The following MARCHF11 variants were observed in gnomAD, a reference collection of about 807,000 sequenced individuals.
The protein encoded by MARCHF11 is E3 ubiquitin-protein ligase MARCHF11.
Under a neutral mutation model 37.3 loss-of-function variants are expected in MARCHF11, and 29 were observed. The ratio of observed to expected loss-of-function variants is 0.78; its 90% CI spans 0.58 to 1.06. The LOEUF (loss-of-function observed/expected upper bound fraction) is 1.06, where lower values mean the gene tolerates loss of function less well. MARCHF11 is among the 50% of genes least tolerant of loss of function. MARCHF11 has a pLI of 0.00. For synonymous variants in MARCHF11, 233 were observed against 228.0 expected, an observed-to-expected ratio of 1.02 and a Z score of -0.20; for missense variants, 482 against 533.4, an observed-to-expected ratio of 0.90 and a Z score of 0.95.
chr5:16,171,115 A>AT (rs1478856754), intron 2 of MARCHF11, among the ~76,000 whole-genome samples: 1 of 152,046 alleles, frequency 6.6e-6, no homozygotes, highest in African/African-American at 2.4e-5. Flanking sequence ...TTATTTATTT[A>AT]TTATTATACT....
At chr5:16,071,282 G>A (rs1477896433) in intron 3 of MARCHF11, among the ~76,000 whole-genome samples, 1 of 152,150 alleles carries the variant, frequency 6.6e-6, no homozygotes, top group East Asian at 1.9e-4. Flanking sequence ...TTAACAGCAT[G>A]GATATAAAAA....
At chr5:16,098,375 C>T (rs944759156) in intron 2 of MARCHF11, among the ~76,000 whole-genome samples, 2 of 152,200 alleles carry the variant, frequency 1.3e-5, no homozygotes, top group Admixed American at 1.3e-4. Context: ...TTAAAACTGT[C>T]TCTCTTTTTA....
chr5:16,075,050 G>A (rs1237449222), intron 3 of MARCHF11, among the ~76,000 whole-genome samples: 2 of 152,226 alleles, frequency 1.3e-5, no homozygotes, highest in African/African-American at 4.8e-5. Flanking sequence ...GTCAGATGGA[G>A]TCTCATCTTT....
chr5:16,082,877 C>T (rs566834005), intron 3 of MARCHF11, among the ~76,000 whole-genome samples: 52 of 152,146 alleles, frequency 3.4e-4, no homozygotes, highest in Non-Finnish European at 6.2e-4. Flanking sequence ...TCCTATAACT[C>T]GCCTGCCATG....
rs759376774 is a variant in MARCHF11 at position 16,067,441 on chromosome 5, T to C, written c.*30A>G. 11 of 1,591,260 alleles carry C rather than the reference T, an allele frequency of 6.9e-6. No individual in the cohort carries two copies. The highest frequency in any genetic ancestry group is 1.1e-5 in the South Asian group (1 of 89,188). On this transcript the variant is annotated 3_prime_UTR_variant, in exon 4 of 4. Coordinates refer to ENST00000332432, the MANE Select transcript of MARCHF11 (RefSeq NM_001102562.3). ...CAATTACATTGCAAAATGTGCAGGGTGGTCCACACTGCATCATCTTATGCT... is the reference window on the plus strand; with the variant it reads ...CAATTACATTGCAAAATGTGCAGGGCGGTCCACACTGCATCATCTTATGCT...
intron 3 of MARCHF11, among the ~76,000 whole-genome samples, chr5:16,080,591 T>C (rs1736591443): frequency 6.6e-6 from 1 of 152,176 alleles, no homozygotes; most frequent in Non-Finnish European, 1.5e-5. Flanking sequence ...CCTCTTCTGA[T>C]AGCCAGTGTT....
At chr5:16,129,687 T>G (rs1737480966) in intron 2 of MARCHF11, among the ~76,000 whole-genome samples, 1 of 152,208 alleles carries the variant, frequency 6.6e-6, no homozygotes, top group Non-Finnish European at 1.5e-5. Flanking sequence ...TTTGTAAAAA[T>G]TAACTGTAGG....
intron 1 of MARCHF11, 96 bp from the exon 2 acceptor site, chr5:16,177,977 G>A (rs1373373468): frequency 4.1e-6 from 5 of 1,213,938 alleles, no homozygotes; most frequent in Admixed American, 2.7e-5. Flanking sequence ...CATTTACTCA[G>A]GATACAGCAT....
intron 2 of MARCHF11, among the ~76,000 whole-genome samples, chr5:16,105,017 C>A (rs772521435): frequency 1.3e-5 from 2 of 152,192 alleles, no homozygotes; most frequent in Non-Finnish European, 2.9e-5. Flanking sequence ...GGTAACAGAG[C>A]GCTAACTGAT....
At chr5:16,156,922 A>G (rs1462531292) in intron 2 of MARCHF11, among the ~76,000 whole-genome samples, 2 of 151,898 alleles carry the variant, frequency 1.3e-5, no homozygotes, top group Non-Finnish European at 2.9e-5. Context: ...CTCTTATGGA[A>G]CCACCATAGT....
Position 16,179,566 on chromosome 5 carries a change from C to A in MARCHF11, c.10G>T (p.Glu4Ter). 8.4e-7 allele frequency: 1 copy of A among 1,183,676 alleles called. No homozygotes were observed. Among genetic ancestry groups the A allele is most frequent in the South Asian group, 4.2e-5 (1 of 23,790 alleles). 73.3% of individuals were successfully genotyped at this position (1,183,676 alleles called of 1,614,324 possible). A position where few individuals can be genotyped will look rare whatever the true frequency, so the allele number is the denominator to read the frequency against. MSF[E>*]GGHGGSRCRG... ...CACCGACTGCCGCCGTGGCCGCCCT[C>A]AAAGCTCATGGTTGTGCCGCCGCCG... Residue 4 changes from glutamate to a stop codon, truncating the protein, a stop_gained, in exon 1 of 4, where the codon GAG (glutamate) becomes TAG (stop). Transcript: ENST00000332432. LOFTEE classifies it high-confidence loss of function.
chr5:16,120,978 C>T (rs1300832583), intron 2 of MARCHF11, among the ~76,000 whole-genome samples: 1 of 152,228 alleles, frequency 6.6e-6, no homozygotes, highest in East Asian at 1.9e-4. Flanking sequence ...TTGTTCTAAA[C>T]CATTAACTTT....
chr5:16,127,197 T>C (rs1357934190), intron 2 of MARCHF11, among the ~76,000 whole-genome samples: 3 of 152,180 alleles, frequency 2.0e-5, no homozygotes, highest in Admixed American at 1.3e-4. Flanking sequence ...GTTATAGTCA[T>C]TGCTGAGTTT....
intron 2 of MARCHF11, among the ~76,000 whole-genome samples, chr5:16,105,185 T>G (rs894409728): frequency 2.0e-5 from 3 of 152,206 alleles, no homozygotes; most frequent in Non-Finnish European, 4.4e-5. Context: ...CATCCTGCTG[T>G]GGCTTGCATA....
chr5:16,107,490 GC>G (rs903769580), intron 2 of MARCHF11, among the ~76,000 whole-genome samples: 1 of 152,060 alleles, frequency 6.6e-6, no homozygotes, highest in Non-Finnish European at 1.5e-5. Flanking sequence ...AATTAAGGTG[GC>G]TTGTATCTCC....
chr5:16,108,015 G>A (rs1056604323), intron 2 of MARCHF11, among the ~76,000 whole-genome samples: 2 of 152,158 alleles, frequency 1.3e-5, no homozygotes, highest in African/African-American at 2.4e-5. Context: ...CTTCCATGAC[G>A]CTGGACAAGA....
At chr5:16,117,881 T>C (rs769687887) in intron 2 of MARCHF11, among the ~76,000 whole-genome samples, 91 of 152,352 alleles carry the variant, frequency 6.0e-4, no homozygotes, top group Non-Finnish European at 1.2e-3. Flanking sequence ...ACTTGGAAGA[T>C]GCAGTTATTA....
intron 2 of MARCHF11, among the ~76,000 whole-genome samples, chr5:16,133,149 C>A (rs1206302261): frequency 2.0e-5 from 3 of 151,970 alleles, no homozygotes; most frequent in Non-Finnish European, 4.4e-5. Context: ...TTGATCTATG[C>A]CCTTTGTAAC....
At position 16,128,966 on chromosome 5, in the gene MARCHF11, C is replaced by G. The variant is rs545363207; in HGVS notation, c.694-37885G>C. ...GCCCTGTTGTACTTATTTCCATGTT[C>G]AAAACTGTCTTTTATTTTGCACATA... On this transcript the variant is annotated intron_variant, in intron 2 of 3. Coordinates refer to ENST00000332432, the MANE Select transcript of MARCHF11 (RefSeq NM_001102562.3). 1.4e-4 allele frequency among the ~76,000 whole-genome samples: 22 copies of G among 152,230 alleles called. No homozygotes were observed. In the South Asian group the frequency reaches 4.6e-3, roughly 32 times the overall value.
Sources: gnomAD v4.1 joint callset for allele counts (sites outside exome capture counted in the v4.1 genomes callset) on GRCh38, gnomAD v4.1.1 for gene constraint, MANE v1.5 for transcripts, NCBI Gene and HGNC (gene_info 2026-07-23, HGNC 2026-07-21) for gene names.